The following HYDIN variants were observed in gnomAD, a reference collection of about 807,000 sequenced individuals.
HYDIN encodes the protein axonemal central pair apparatus protein HYDIN.
HYDIN carries 132 observed loss-of-function variants against 403.9 expected under a neutral mutation model. The observed-to-expected ratio is 0.33, with a 90% CI of 0.28 to 0.38. The LOEUF (loss-of-function observed/expected upper bound fraction) is 0.38, where lower values mean the gene tolerates loss of function less well. Ranked by LOEUF, HYDIN falls within the 10% of genes least tolerant of loss-of-function variation. The probability of loss-of-function intolerance (pLI) is 1.00; values close to 1 mark genes in which losing one functional copy is unlikely to be tolerated. For missense variants in HYDIN, 2,827 were observed against 5,009.5 expected (o/e 0.56, Z 13.15); for synonymous variants, 1,202 against 1,891.7 (o/e 0.64, Z 9.46).
chr16:70,860,285 C>G, intron 70 of HYDIN, 79 bp from the exon 71 acceptor site: 1 of 1,511,108 alleles, frequency 6.6e-7, no homozygotes, highest in Non-Finnish European at 9.0e-7. Context: ...AGAACCTGGC[C>G]CCAACCCAGT....
intron 47 of HYDIN, among the ~76,000 whole-genome samples, chr16:70,916,832 C>T (rs1229420638): frequency 6.6e-6 from 1 of 151,932 alleles, no homozygotes; most frequent in Non-Finnish European, 1.5e-5. Context: ...TTTTCTTTTT[C>T]TCTTTCTCTC....
intron 23 of HYDIN, among the ~76,000 whole-genome samples, chr16:71,016,431 C>T (rs958283489): frequency 6.6e-6 from 1 of 151,860 alleles, no homozygotes; most frequent in Non-Finnish European, 1.5e-5. Flanking sequence ...CACCTCATAC[C>T]TGTTAGGACG....
intron 13 of HYDIN, among the ~76,000 whole-genome samples, chr16:71,069,809 G>A (rs1306822885): frequency 6.6e-6 from 1 of 152,204 alleles, no homozygotes; most frequent in African/African-American, 2.4e-5. Flanking sequence ...GGCCCTTCCG[G>A]GGAGGCAGCC....
chr16:70,990,390 G>A (rs894722464), intron 25 of HYDIN, among the ~76,000 whole-genome samples: 1 of 60,644 alleles, frequency 1.6e-5, no homozygotes, highest in East Asian at 5.8e-4. Context: ...GTGAGACTCT[G>A]CCTCAAAAAA....
intron 1 of HYDIN, among the ~76,000 whole-genome samples, chr16:71,219,966 C>T (rs1285608180): frequency 1.3e-5 from 2 of 152,138 alleles, no homozygotes; most frequent in East Asian, 3.9e-4. Context: ...TGTGGTTCAG[C>T]GTATTTCGGT....
At chr16:70,992,983 T>C (rs1318823311) in intron 23 of HYDIN, among the ~76,000 whole-genome samples, 3 of 152,170 alleles carry the variant, frequency 2.0e-5, no homozygotes, top group Non-Finnish European at 4.4e-5. Flanking sequence ...CCAACCTATC[T>C]CAAGCCCTTG....
At chr16:71,061,896 CAGAG>C (rs796422517) in intron 17 of HYDIN, among the ~76,000 whole-genome samples, 6 of 94,224 alleles carry the variant, frequency 6.4e-5, no homozygotes, top group Admixed American at 1.2e-4. Flanking sequence ...GTGTGTGTGT[CAGAG>C]AGAGAGAGAG....
chr16:71,149,244 G>A (rs2085439923), intron 7 of HYDIN, among the ~76,000 whole-genome samples: 2 of 151,962 alleles, frequency 1.3e-5, no homozygotes, highest in South Asian at 2.1e-4. Context: ...ACTTTATACC[G>A]AGTAGAATGG....
intron 41 of HYDIN, among the ~76,000 whole-genome samples, chr16:70,951,412 G>A (rs2078071257): frequency 6.6e-6 from 1 of 152,152 alleles, no homozygotes; most frequent in South Asian, 2.1e-4. Flanking sequence ...ACTGGAAGCA[G>A]TGCTCTGCCA....
chr16:71,012,401 A>G (rs2080117525), intron 23 of HYDIN, among the ~76,000 whole-genome samples: 1 of 152,260 alleles, frequency 6.6e-6, no homozygotes, highest in South Asian at 2.1e-4. Flanking sequence ...CAGGCTTCAA[A>G]GGCAATGGCT....
intron 50 of HYDIN, among the ~76,000 whole-genome samples, chr16:70,904,478 C>CTTTTTTTTTTTTTTTTTTTTTTTTTTTTT (rs76148650): frequency 4.0e-5 from 1 of 25,184 alleles, no homozygotes; most frequent in Non-Finnish European, 9.5e-5. Context: ...ACTTGAGTAA[C>CTTTTTTTTTTTTTTTTTTTTTTTTTTTTT]TTTTTTTTTT....
chr16:71,082,443 T>C (rs1255899619), intron 12 of HYDIN, among the ~76,000 whole-genome samples: 2 of 151,626 alleles, frequency 1.3e-5, no homozygotes, highest in Non-Finnish European at 2.9e-5. Context: ...CTCTTAGCAA[T>C]TGATCATGAG....
At chr16:70,947,974 A>G (rs1184912283) in intron 41 of HYDIN, among the ~76,000 whole-genome samples, 3 of 151,482 alleles carry the variant, frequency 2.0e-5, no homozygotes, top group Non-Finnish European at 4.4e-5. Flanking sequence ...TTCATATGGA[A>G]CCAAAAAAGA....
At chr16:71,051,617 G>A (rs1479153168) in intron 18 of HYDIN, among the ~76,000 whole-genome samples, 2 of 149,996 alleles carry the variant, frequency 1.3e-5, no homozygotes. Flanking sequence ...CTGCACTCCA[G>A]CCTGGGCGAC....
At chr16:70,893,956 A>T (rs1281204489) in intron 55 of HYDIN, 1 of 153,032 alleles carries the variant, frequency 6.5e-6, no homozygotes, top group Non-Finnish European at 1.5e-5. Flanking sequence ...TTCACATGAA[A>T]TCTGCTGAAG....
intron 1 of HYDIN, among the ~76,000 whole-genome samples, chr16:71,188,374 G>T (rs538956635): frequency 5.9e-5 from 9 of 152,110 alleles, no homozygotes; most frequent in Non-Finnish European, 1.3e-4. Context: ...GCGCATGAGT[G>T]GCATCACCAA....
At position 70,889,582 on chromosome 16, in the gene HYDIN, C is replaced by T. The variant is rs773300334; in HGVS notation, c.9774+5G>A. 7.4e-6 allele frequency: 4 copies of T among 537,608 alleles called. No homozygotes were observed. In the South Asian group the frequency reaches 9.6e-5, roughly 13 times the overall value. The allele number at this position is 537,608 out of a possible 1,614,324, so 33.3% of individuals were successfully genotyped here. On this transcript the variant is annotated splice_donor_5th_base_variant and intron_variant, in intron 58 of 85. Coordinates refer to ENST00000393567, the MANE Select transcript of HYDIN (RefSeq NM_001270974.2). Reference sequence around the variant, plus strand: ...ATCTGTAAGAACAGGGAAAAGGACACGCACCTGGCCTGTGGTGGTTACTTC... The same window carrying T: ...ATCTGTAAGAACAGGGAAAAGGACATGCACCTGGCCTGTGGTGGTTACTTC...
At chr16:71,194,522 A>T (rs2087597280) in intron 1 of HYDIN, among the ~76,000 whole-genome samples, 1 of 152,212 alleles carries the variant, frequency 6.6e-6, no homozygotes, top group South Asian at 2.1e-4. Flanking sequence ...GGGTCATCAG[A>T]CCTAGGTTTA....
chr16:70,819,835 T>C (rs553460589), intron 83 of HYDIN, among the ~76,000 whole-genome samples: 1 of 152,128 alleles, frequency 6.6e-6, no homozygotes, highest in South Asian at 2.1e-4. Context: ...TGAGATGGAG[T>C]CTTGCTCTGT....
Sources: allele counts gnomAD v4.1 joint callset (sites outside exome capture counted in the v4.1 genomes callset), GRCh38; gene constraint gnomAD v4.1.1; transcripts MANE v1.5; gene names NCBI Gene and HGNC (gene_info 2026-07-23, HGNC 2026-07-21).